The following PDE1A variants were observed in gnomAD, a reference collection of about 807,000 sequenced individuals.
PDE1A encodes the protein phosphodiesterase 1A.
A neutral mutation model predicts 61.7 loss-of-function variants in PDE1A; 35 were observed. That is an observed-to-expected ratio of 0.57 (90% CI 0.43 to 0.75). The LOEUF (loss-of-function observed/expected upper bound fraction) is 0.75, where lower values mean the gene tolerates loss of function less well. Ranked by LOEUF, PDE1A falls within the 30% of genes least tolerant of loss-of-function variation. The pLI, the probability that PDE1A is intolerant of heterozygous loss-of-function variation, is 0.00. For missense variants in PDE1A, 597 were observed against 630.6 expected, an observed-to-expected ratio of 0.95 and a Z score of 0.57; for synonymous variants, 232 against 213.2, an observed-to-expected ratio of 1.09 and a Z score of -0.77.
At chr2:182,699,603 A>G in the PDE1A span, among the ~76,000 whole-genome samples, 2 of 152,194 alleles carry the variant, frequency 1.3e-5, no homozygotes, top group Non-Finnish European at 2.9e-5. Context: ...TAGTTAGAGT[A>G]TGTAGAATTT....
intron 13 of PDE1A, among the ~76,000 whole-genome samples, chr2:182,169,128 G>A (rs993730596): frequency 2.0e-5 from 3 of 151,928 alleles, no homozygotes; most frequent in Non-Finnish European, 4.4e-5. Context: ...GCATTAAGAT[G>A]AACTATAGAA....
At chr2:182,186,698 A>G in intron 11 of PDE1A, 110 bp from the exon 12 acceptor site, 1 of 1,001,860 alleles carries the variant, frequency 1.0e-6, no homozygotes, top group Non-Finnish European at 1.5e-6. Flanking sequence ...GATAGCAAGA[A>G]TCAACTAAAA....
intron 1 of PDE1A, among the ~76,000 whole-genome samples, chr2:182,344,900 G>A (rs1279187866): frequency 6.6e-6 from 1 of 152,020 alleles, no homozygotes; most frequent in East Asian, 1.9e-4. Flanking sequence ...AAAAGAGCTT[G>A]TCCCAAACCC....
chr2:182,274,324 A>T (rs1559282808), intron 1 of PDE1A, among the ~76,000 whole-genome samples: 1 of 152,162 alleles, frequency 6.6e-6, no homozygotes, highest in Non-Finnish European at 1.5e-5. Context: ...AAAATCTTTT[A>T]AAAATAGATT....
chr2:182,438,749 A>G (rs1454484577), intron 2 of PDE1A, among the ~76,000 whole-genome samples: 1 of 152,038 alleles, frequency 6.6e-6, no homozygotes, highest in Non-Finnish European at 1.5e-5. Flanking sequence ...GAAAAATTAT[A>G]GAGACCAAAT....
At chr2:182,450,424 C>T (rs548688063) in intron 2 of PDE1A, among the ~76,000 whole-genome samples, 1 of 152,172 alleles carries the variant, frequency 6.6e-6, no homozygotes, top group Non-Finnish European at 1.5e-5. Context: ...ATTTATGACT[C>T]CACCTCATGT....
At chr2:182,331,108 T>C (rs1422614507) in intron 1 of PDE1A, among the ~76,000 whole-genome samples, 1 of 152,206 alleles carries the variant, frequency 6.6e-6, no homozygotes, top group Admixed American at 6.5e-5. Context: ...ACTGACCTTC[T>C]TTCAGATGAG....
intron 1 of PDE1A, among the ~76,000 whole-genome samples, chr2:182,372,964 A>T (rs1376010382): frequency 6.6e-6 from 1 of 152,238 alleles, no homozygotes; most frequent in African/African-American, 2.4e-5. Flanking sequence ...GGATCCACTC[A>T]TGACTTAGGA....
chr2:182,510,105 T>C lies in PDE1A; in HGVS notation c.101+12171A>G, dbSNP rs147135941. Among the ~76,000 whole-genome samples the C allele has an allele frequency of 1.4e-3, 210 of 152,284 alleles. 1 individual carries two copies. The highest frequency in any genetic ancestry group is 4.8e-3 in the African/African-American group (200 of 41,580). On this transcript the variant is annotated intron_variant, in intron 2 of 14. Coordinates refer to the PDE1A transcript ENST00000410103. ...ATTTGCCTATCAAAAATTATCTGCA[T>C]GACTGAGCTTTTTGTCGGCCTATTT...
the PDE1A span, among the ~76,000 whole-genome samples, chr2:182,677,262 CCAA>C: frequency 6.6e-6 from 1 of 152,132 alleles, no homozygotes; most frequent in African/African-American, 2.4e-5. Flanking sequence ...TTCCTATACA[CCAA>C]CAACAACCAA....
intron 1 of PDE1A, among the ~76,000 whole-genome samples, chr2:182,312,090 A>T (rs1380022315): frequency 6.6e-6 from 1 of 152,038 alleles, no homozygotes; most frequent in Non-Finnish European, 1.5e-5. Context: ...ATCCTCTTTG[A>T]TGGAAGTGTC....
upstream of PDE1A, among the ~76,000 whole-genome samples, chr2:182,523,733 T>C (rs1301323255): frequency 2.0e-5 from 3 of 152,182 alleles, no homozygotes; most frequent in Non-Finnish European, 4.4e-5. Context: ...GCCTGTGAGA[T>C]AGGCAATACT....
intron 2 of PDE1A, among the ~76,000 whole-genome samples, chr2:182,491,436 T>G (rs944591296): frequency 1.3e-5 from 2 of 151,982 alleles, no homozygotes; most frequent in African/African-American, 4.8e-5. Flanking sequence ...AGAGGCAGTG[T>G]GAAGGTACAA....
chr2:182,208,350 G>GGA (rs1027845672), intron 7 of PDE1A, among the ~76,000 whole-genome samples: 1 of 152,108 alleles, frequency 6.6e-6, no homozygotes, highest in Non-Finnish European at 1.5e-5. Flanking sequence ...AATGGCAGCA[G>GGA]GAGAGAGAGA....
chr2:182,444,884 T>G (rs1685033016), intron 2 of PDE1A, among the ~76,000 whole-genome samples: 1 of 152,122 alleles, frequency 6.6e-6, no homozygotes, highest in South Asian at 2.1e-4. Flanking sequence ...AAAGAACTCT[T>G]CAAAAAGAGT....
chr2:182,609,572 T>C, the PDE1A span, among the ~76,000 whole-genome samples: 2 of 152,136 alleles, frequency 1.3e-5, no homozygotes, highest in Admixed American at 6.5e-5. Flanking sequence ...CGTGCCGTCT[T>C]AAGAGCTGTA....
chr2:182,364,349 T>G (rs1336390206), intron 1 of PDE1A, among the ~76,000 whole-genome samples: 1 of 151,540 alleles, frequency 6.6e-6, no homozygotes, highest in Non-Finnish European at 1.5e-5. Flanking sequence ...TGTTTCTTGT[T>G]GTGTGTTGTG....
chr2:182,449,869 G>A (rs951363346), intron 2 of PDE1A, among the ~76,000 whole-genome samples: 1 of 151,840 alleles, frequency 6.6e-6, no homozygotes, highest in East Asian at 1.9e-4. Context: ...TAACTGAAGA[G>A]AATCAGAGTG....
At chr2:182,326,328 T>C (rs900747491) in intron 1 of PDE1A, among the ~76,000 whole-genome samples, 2 of 152,206 alleles carry the variant, frequency 1.3e-5, no homozygotes, top group African/African-American at 4.8e-5. Context: ...TGTCCATTGA[T>C]GAATTTGTGG....
Sources: gnomAD v4.1 joint callset for allele counts (sites outside exome capture counted in the v4.1 genomes callset) on GRCh38, gnomAD v4.1.1 for gene constraint, MANE v1.5 for transcripts, NCBI Gene and HGNC (gene_info 2026-07-23, HGNC 2026-07-21) for gene names.